FGF12: variants seen among roughly 807,000 people sequenced by gnomAD.
FGF12 encodes the protein fibroblast growth factor 12B.
A neutral mutation model predicts 23.6 loss-of-function variants in FGF12; 14 were observed. That is an observed-to-expected ratio of 0.59 (90% CI 0.39 to 0.93). FGF12 has a LOEUF of 0.93. Ranked by LOEUF, FGF12 falls within the 40% of genes least tolerant of loss-of-function variation. The probability of loss-of-function intolerance (pLI) is 0.00; values close to 1 mark genes in which losing one functional copy is unlikely to be tolerated. For synonymous variants in FGF12, 62 were observed against 77.3 expected (o/e 0.80, Z 1.04); for missense variants, 175 against 217.8 (o/e 0.80, Z 1.24).
At chr3:192,294,971 G>A (rs1035054140) in intron 4 of FGF12, among the ~76,000 whole-genome samples, 1 of 152,106 alleles carries the variant, frequency 6.6e-6, no homozygotes. Context: ...AATAATACCA[G>A]TGGACTCTAG....
At chr3:192,146,049 C>T (rs571910727) in intron 5 of FGF12, among the ~76,000 whole-genome samples, 3 of 152,304 alleles carry the variant, frequency 2.0e-5, no homozygotes, top group African/African-American at 7.2e-5. Context: ...TTAGCTGGAA[C>T]ACTATTCATA....
intron 4 of FGF12, among the ~76,000 whole-genome samples, chr3:192,255,984 G>A (rs1277053726): frequency 1.3e-5 from 2 of 152,034 alleles, no homozygotes; most frequent in African/African-American, 2.4e-5. Context: ...CATTTCTGGT[G>A]GGGAGGGAAA....
At chr3:192,351,911 G>C (rs1718235942) in intron 3 of FGF12, among the ~76,000 whole-genome samples, 1 of 152,190 alleles carries the variant, frequency 6.6e-6, no homozygotes, top group Admixed American at 6.5e-5. Flanking sequence ...TGAAGGGTGA[G>C]AGTGGCTTGC....
At chr3:192,555,715 T>C (rs941665893) in intron 2 of FGF12, among the ~76,000 whole-genome samples, 4 of 150,642 alleles carry the variant, frequency 2.7e-5, no homozygotes, top group Admixed American at 1.3e-4. Flanking sequence ...GGGGAATTGC[T>C]TGAACCCGGG....
chr3:192,569,671 T>G (rs1712505264), intron 2 of FGF12, among the ~76,000 whole-genome samples: 1 of 152,116 alleles, frequency 6.6e-6, no homozygotes. Flanking sequence ...AAGAGGAAAT[T>G]GAGATATAGA....
intron 2 of FGF12, among the ~76,000 whole-genome samples, chr3:192,410,933 C>T (rs558634707): frequency 2.6e-5 from 4 of 152,270 alleles, no homozygotes; most frequent in South Asian, 2.1e-4. Context: ...AGTCTGGGAG[C>T]GGCTATTGGT....
At chr3:192,683,168 T>C (rs566188605) in intron 2 of FGF12, among the ~76,000 whole-genome samples, 2 of 152,310 alleles carry the variant, frequency 1.3e-5, no homozygotes, top group Admixed American at 6.5e-5. Context: ...TTGTATTCAG[T>C]TGGTGAGCAG....
intron 4 of FGF12, among the ~76,000 whole-genome samples, chr3:192,315,817 A>T (rs1286057659): frequency 6.6e-6 from 1 of 152,202 alleles, no homozygotes; most frequent in Non-Finnish European, 1.5e-5. Context: ...TCAGAAGGCC[A>T]TTGTGTGATG....
At chr3:192,420,863 A>T (rs558064806) in intron 2 of FGF12, among the ~76,000 whole-genome samples, 4 of 152,218 alleles carry the variant, frequency 2.6e-5, no homozygotes, top group Non-Finnish European at 5.9e-5. Flanking sequence ...ACACACTCAC[A>T]GCTCATCATA....
intron 3 of FGF12, among the ~76,000 whole-genome samples, chr3:192,349,979 C>G (rs1268706762): frequency 6.6e-6 from 1 of 152,056 alleles, no homozygotes; most frequent in Non-Finnish European, 1.5e-5. Flanking sequence ...AGCTCATTGC[C>G]CCCATGAAGC....
At chr3:192,579,421 T>C (rs539738345) in intron 2 of FGF12, among the ~76,000 whole-genome samples, 1 of 152,294 alleles carries the variant, frequency 6.6e-6, no homozygotes, top group South Asian at 2.1e-4. Context: ...ATTGCGCATA[T>C]ATATTCCTGA....
intron 2 of FGF12, among the ~76,000 whole-genome samples, chr3:192,487,293 G>A (rs983736376): frequency 6.6e-6 from 1 of 152,004 alleles, no homozygotes. Flanking sequence ...TCCTAGTGCC[G>A]CTTCGAAACC....
At chr3:192,363,557 A>G (rs901244921) in intron 2 of FGF12, among the ~76,000 whole-genome samples, 2 of 152,090 alleles carry the variant, frequency 1.3e-5, no homozygotes, top group African/African-American at 4.8e-5. Context: ...TTCAAAGGAG[A>G]CTTGATCATC....
intron 4 of FGF12, among the ~76,000 whole-genome samples, chr3:192,316,146 T>C (rs568167617): frequency 4.3e-4 from 66 of 152,248 alleles, no homozygotes; most frequent in African/African-American, 1.5e-3. Context: ...TCCCTTTATC[T>C]TTTCTGCTCC....
intron 2 of FGF12, among the ~76,000 whole-genome samples, chr3:192,628,528 T>C (rs1319041185): frequency 6.6e-6 from 1 of 150,700 alleles, no homozygotes; most frequent in Non-Finnish European, 1.5e-5. Flanking sequence ...TGTGTATATA[T>C]ATATATACTA....
chr3:192,725,230 A>T (rs981184689), intron 2 of FGF12, among the ~76,000 whole-genome samples: 4 of 152,126 alleles, frequency 2.6e-5, no homozygotes, highest in African/African-American at 9.7e-5. Context: ...CAAGCAGCTA[A>T]CACAGCTTCA....
At chr3:192,565,504 C>A (rs1384871240) in intron 2 of FGF12, among the ~76,000 whole-genome samples, 2 of 152,124 alleles carry the variant, frequency 1.3e-5, no homozygotes, top group African/African-American at 2.4e-5. Flanking sequence ...TTTACTGTAT[C>A]TTTTCTTTGT....
intron 2 of FGF12, among the ~76,000 whole-genome samples, chr3:192,581,466 G>GTA (rs202156374): frequency 3.0e-5 from 3 of 100,358 alleles, no homozygotes; most frequent in East Asian, 3.9e-4. Context: ...ATATATATAT[G>GTA]TATATATATG....
chr3:192,698,480 A>G (rs1718193569), intron 2 of FGF12, among the ~76,000 whole-genome samples: 1 of 152,172 alleles, frequency 6.6e-6, no homozygotes, highest in South Asian at 2.1e-4. Flanking sequence ...TACCAAAAAT[A>G]AGAATAGCAA....
Sources: allele counts gnomAD v4.1 joint callset (sites outside exome capture counted in the v4.1 genomes callset), GRCh38; gene constraint gnomAD v4.1.1; transcripts MANE v1.5; gene names NCBI Gene and HGNC (gene_info 2026-07-23, HGNC 2026-07-21).